FSD1L: variants seen among roughly 807,000 people sequenced by gnomAD.
FSD1L encodes the protein FSD1-like protein.
FSD1L carries 45 observed loss-of-function variants against 71.6 expected under a neutral mutation model. The ratio of observed to expected loss-of-function variants is 0.63; its 90% confidence interval spans 0.49 to 0.81. FSD1L has a LOEUF of 0.81. Ranked by LOEUF, FSD1L falls within the 30% of genes least tolerant of loss-of-function variation. The probability of loss-of-function intolerance (pLI) is 0.00; values close to 1 mark genes in which losing one functional copy is unlikely to be tolerated. For missense variants in FSD1L, 561 were observed against 618.1 expected (o/e 0.91, Z 0.98); for synonymous variants, 197 against 207.2 (o/e 0.95, Z 0.42).
chr9:105,514,507 A>ACAACT (rs1834584548), intron 10 of FSD1L, among the ~76,000 whole-genome samples: 4 of 152,228 alleles, frequency 2.6e-5, no homozygotes, highest in Non-Finnish European at 5.9e-5. Flanking sequence ...TAACTTATGT[A>ACAACT]GATGAGATGT....
Position 105,464,339 on chromosome 9 carries a change from T to C in FSD1L, c.207+8T>C. 7.4e-7 allele frequency: 1 copy of C among 1,356,314 alleles called. No individual in the cohort carries two copies. The highest frequency in any genetic ancestry group is 1.0e-6 in the Non-Finnish European group (1 of 997,536). The allele number at this position is 1,356,314 out of a possible 1,614,324, so 84.0% of individuals were successfully genotyped here. ...ACACTAAAAGGAGTTCAGGTATGATTGTTTTATGAAAAATTTTGTGTAAAT... is the reference window on the plus strand; with the variant it reads ...ACACTAAAAGGAGTTCAGGTATGATCGTTTTATGAAAAATTTTGTGTAAAT... On this transcript the variant is annotated splice_region_variant and intron_variant, in intron 3 of 13. Coordinates refer to ENST00000481272, the MANE Select transcript of FSD1L (RefSeq NM_001145313.3).
chr9:105,511,724 G>A (rs140509966), intron 9 of FSD1L, among the ~76,000 whole-genome samples: 5 of 152,178 alleles, frequency 3.3e-5, no homozygotes, highest in African/African-American at 1.2e-4. Context: ...AAATTAAAGT[G>A]CTCTTTACAG....
intron 10 of FSD1L, among the ~76,000 whole-genome samples, chr9:105,516,502 G>T (rs891766483): frequency 6.6e-6 from 1 of 152,178 alleles, no homozygotes; most frequent in Non-Finnish European, 1.5e-5. Flanking sequence ...AGAACAGGCA[G>T]CAGTCTTTGC....
chr9:105,494,188 C>T (rs1303139774), intron 7 of FSD1L, among the ~76,000 whole-genome samples: 1 of 152,120 alleles, frequency 6.6e-6, no homozygotes, highest in Non-Finnish European at 1.5e-5. Flanking sequence ...TTCTTGGAGG[C>T]TTTGTTCATT....
intron 9 of FSD1L, among the ~76,000 whole-genome samples, chr9:105,508,955 T>G (rs1368708768): frequency 6.6e-6 from 1 of 152,228 alleles, no homozygotes; most frequent in Non-Finnish European, 1.5e-5. Flanking sequence ...TATTGTATTC[T>G]CTGGGAGATG....
intron 7 of FSD1L, among the ~76,000 whole-genome samples, chr9:105,503,025 A>G (rs1196455009): frequency 2.0e-5 from 3 of 151,344 alleles, no homozygotes; most frequent in East Asian, 1.9e-4. Flanking sequence ...CCACACAGGC[A>G]TGCACCGCCA....
At chr9:105,476,780 AATT>A (rs1350898457) in intron 5 of FSD1L, among the ~76,000 whole-genome samples, 1 of 152,176 alleles carries the variant, frequency 6.6e-6, no homozygotes, top group Non-Finnish European at 1.5e-5. Context: ...TAGAAAAAAA[AATT>A]ATTTTCCAAT....
At chr9:105,449,881 C>T (rs999841507) in intron 1 of FSD1L, among the ~76,000 whole-genome samples, 1 of 152,166 alleles carries the variant, frequency 6.6e-6, no homozygotes, top group Non-Finnish European at 1.5e-5. Context: ...CAGGTTACCA[C>T]GTGCAGTTTC....
chr9:105,464,279 A>G lies in FSD1L; in HGVS notation c.155A>G (p.Asp52Gly). 1 of 1,530,466 alleles carries G rather than the reference A, an allele frequency of 6.5e-7. No individual in the cohort carries two copies. The highest frequency in any genetic ancestry group is 8.8e-7 in the Non-Finnish European group (1 of 1,131,118). The allele number at this position is 1,530,466 out of a possible 1,614,324, so 94.8% of individuals were successfully genotyped here. Residue 52 changes from aspartate to glycine, a missense_variant, in exon 3 of 14, where the codon GAT becomes GGT. Physicochemically the swap from Asp to Gly is moderately conservative, Grantham distance 94. Around this residue, in one of 3 missense-constraint regions of FSD1L, gnomAD observed 410 missense variants for 413.5 expected, o/e 0.99. Coordinates refer to ENST00000481272, the MANE Select transcript of FSD1L (RefSeq NM_001145313.3). ...RIISTLANKNDEIQNFIDTLH... is the reference protein window; with the variant it reads ...RIISTLANKNGEIQNFIDTLH... ...ATTTCAACTCTGGCAAATAAAAATG[A>G]TGAAATTCAGAACTTTATTGATACA...
At chr9:105,481,511 G>A (rs1391718305) in intron 6 of FSD1L, among the ~76,000 whole-genome samples, 2 of 151,514 alleles carry the variant, frequency 1.3e-5, no homozygotes, top group Non-Finnish European at 2.9e-5. Flanking sequence ...GGCTCGTCTC[G>A]AACCCCTGAC....
chr9:105,510,184 G>A (rs1286050111), intron 9 of FSD1L, among the ~76,000 whole-genome samples: 2 of 152,160 alleles, frequency 1.3e-5, no homozygotes, highest in African/African-American at 2.4e-5. Context: ...CATGGGGTTT[G>A]TAGAGAGAAA....
At chr9:105,521,164 T>C (rs1230650939) in intron 10 of FSD1L, 4 of 1,613,926 alleles carry the variant, frequency 2.5e-6, no homozygotes, top group Middle Eastern at 1.7e-4. Context: ...GCTCGTGTTA[T>C]TGTCATTCGT....
intron 2 of FSD1L, among the ~76,000 whole-genome samples, chr9:105,462,219 G>GTTT (rs775069927): frequency 1.5e-5 from 2 of 134,750 alleles, no homozygotes; most frequent in African/African-American, 5.4e-5. Flanking sequence ...TTTAAGTTTT[G>GTTT]TTTTTTTTTT....
chr9:105,535,363 T>G, intron 12 of FSD1L, 45 bp downstream of exon 12: 3 of 1,532,148 alleles, frequency 2.0e-6, no homozygotes, highest in Non-Finnish European at 2.6e-6. Context: ...GTTGCTTGCA[T>G]TTCAGTACCT....
intron 1 of FSD1L, among the ~76,000 whole-genome samples, chr9:105,454,050 TATAA>T (rs1209587060): frequency 6.6e-6 from 1 of 152,208 alleles, no homozygotes; most frequent in African/African-American, 2.4e-5. Context: ...TCTATTGCAT[TATAA>T]ATATAGGTAA....
chr9:105,501,345 T>G (rs1026943903), intron 7 of FSD1L, among the ~76,000 whole-genome samples: 1 of 152,140 alleles, frequency 6.6e-6, no homozygotes, highest in African/African-American at 2.4e-5. Context: ...GAAGTTTTTT[T>G]CAGATTGTGT....
intron 5 of FSD1L, among the ~76,000 whole-genome samples, chr9:105,475,633 TTG>T (rs1359636417): frequency 6.6e-6 from 1 of 152,180 alleles, no homozygotes; most frequent in Non-Finnish European, 1.5e-5. Context: ...ATCTAAATAT[TTG>T]TTAAGCACAG....
At chr9:105,522,843 A>T in intron 10 of FSD1L, 2 of 1,611,086 alleles carry the variant, frequency 1.2e-6, no homozygotes, top group East Asian at 4.5e-5. Flanking sequence ...TAGTCCAGGC[A>T]GCCTGGAAAT....
intron 7 of FSD1L, among the ~76,000 whole-genome samples, chr9:105,488,290 T>C (rs191787535): frequency 4.0e-4 from 61 of 152,346 alleles, no homozygotes; most frequent in Admixed American, 7.8e-4. Context: ...AGTAGCCTTT[T>C]CACATTGCTT....
Sources: gnomAD v4.1 joint callset for allele counts (sites outside exome capture counted in the v4.1 genomes callset) on GRCh38, gnomAD v4.1.1 for gene constraint, gnomAD v4.1.1 regional missense constraint, MANE v1.5 for transcripts, NCBI Gene and HGNC (gene_info 2026-07-23, HGNC 2026-07-21) for gene names.